Variants in PRMT3 observed in about 807,000 individuals in gnomAD.
PRMT3 encodes the protein protein arginine N-methyltransferase 3.
In PRMT3, 62 loss-of-function variants were observed where a neutral mutation model predicts 71.9. That is an observed-to-expected ratio of 0.86 (90% CI 0.70 to 1.07). The LOEUF (loss-of-function observed/expected upper bound fraction) is 1.07. Among genes scored for constraint, PRMT3 ranks in the 50% least tolerant of loss-of-function variants. The pLI is 0.00. For missense variants in PRMT3, 663 were observed against 643.0 expected (o/e 1.03, Z -0.34); for synonymous variants, 213 against 220.4 (o/e 0.97, Z 0.30).
intron 10 of PRMT3, among the ~76,000 whole-genome samples, chr11:20,438,606 A>G (rs1032597950): frequency 5.9e-5 from 9 of 152,038 alleles, no homozygotes; most frequent in Non-Finnish European, 1.3e-4. Context: ...GCATCAGCTC[A>G]GCCCTGGGAT....
intron 15 of PRMT3, among the ~76,000 whole-genome samples, chr11:20,495,666 G>C (rs961635076): frequency 6.6e-6 from 1 of 151,976 alleles, no homozygotes; most frequent in Non-Finnish European, 1.5e-5. Context: ...ACTTACATTA[G>C]CACCTATAGT....
intron 8 of PRMT3, 112 bp from the exon 9 acceptor site, chr11:20,407,799 T>G: frequency 8.5e-7 from 1 of 1,171,682 alleles, no homozygotes; most frequent in South Asian, 1.7e-5. Context: ...AGTTTCAGAT[T>G]TTTATTGTGA....
In PRMT3 at chr11:20,494,953, G is replaced by A. The variant is rs540612728; in HGVS notation, c.1486+699G>A. Among the ~76,000 whole-genome samples, 7 of 152,142 alleles carry A rather than the reference G, an allele frequency of 4.6e-5. No homozygotes were observed. The South Asian group carries it at 1.0e-3, about 23-fold the overall frequency. ...TTCATTCAGTAGTTATTGTAGGCCA[G>A]GCACAGTGGCTTATGCCTGTAATAA... On this transcript the variant is annotated intron_variant, in intron 15 of 15. Transcript: ENST00000331079.
intron 15 of PRMT3, among the ~76,000 whole-genome samples, chr11:20,494,502 GT>G (rs1343805084): frequency 1.3e-5 from 2 of 151,946 alleles, no homozygotes; most frequent in East Asian, 3.9e-4. Flanking sequence ...CCCAGCTAAT[GT>G]TTGTATTTTT....
chr11:20,505,940 A>G (rs1247728403), intron 15 of PRMT3, among the ~76,000 whole-genome samples: 2 of 151,962 alleles, frequency 1.3e-5, no homozygotes, highest in Admixed American at 6.6e-5. Context: ...ATTTAAAGCT[A>G]TAATCATCAT....
intron 12 of PRMT3, among the ~76,000 whole-genome samples, chr11:20,463,318 A>G (rs1488666589): frequency 6.6e-6 from 1 of 152,226 alleles, no homozygotes; most frequent in East Asian, 1.9e-4. Context: ...TAAGAAAAAC[A>G]GTCTGCTTGA....
At chr11:20,484,928 A>G (rs1851035624) in intron 13 of PRMT3, among the ~76,000 whole-genome samples, 1 of 152,228 alleles carries the variant, frequency 6.6e-6, no homozygotes, top group Non-Finnish European at 1.5e-5. Context: ...CTGAAAAATG[A>G]GACTAACAAT....
At chr11:20,388,969 C>T (rs775801724) in intron 2 of PRMT3, among the ~76,000 whole-genome samples, 13 of 152,224 alleles carry the variant, frequency 8.5e-5, no homozygotes, top group Non-Finnish European at 1.6e-4. Context: ...GTGTTCTCAT[C>T]TGTAGCCCCA....
rs1851669656 is a variant in PRMT3 at position 20,509,241 on chromosome 11, ATG to A, written c.*830_*831del. 6.7e-6 allele frequency: 1 copy of A among 149,146 alleles called. No individual in the cohort carries two copies. The highest frequency in any genetic ancestry group is 2.2e-4 in the South Asian group (1 of 4,574). The allele number at this position is 149,146 out of a possible 1,614,324, so 9.2% of individuals were successfully genotyped here. ...TTTACAATTACTGATTCAATTTGAA[ATG>A]TAGAATAAAATTTTAATAAAATGTA... On this transcript the variant is annotated 3_prime_UTR_variant, in exon 16 of 16. Transcript: ENST00000331079.
chr11:20,387,982 G>A lies in PRMT3; in HGVS notation c.29-37G>A, dbSNP rs764309179. ...CCTCGAGCCCCCGGGCCGCACCGGT[G>A]TCCGAGGCCGATCTGATTGTTGTGT... is the stretch of plus-strand genomic sequence containing the variant. On this transcript the variant is annotated intron_variant, in intron 1 of 15. Coordinates refer to ENST00000331079, the MANE Select transcript of PRMT3 (RefSeq NM_005788.4). This position sits in a 1 kb window ranked among gnomAD's most constrained non-coding sequence, Gnocchi z 4.3. The A allele has an allele frequency of 1.2e-6, 2 of 1,612,638 alleles. No individual in the cohort carries two copies. Among genetic ancestry groups the A allele is most frequent in the Non-Finnish European group, 1.7e-6 (2 of 1,179,350 alleles).
chr11:20,426,788 A>T lies in PRMT3; in HGVS notation c.916A>T (p.Ile306Phe). ...IIRLNKLEDT[I>F]TLIKGKIEEV... is the part of the protein sequence containing the mutation. Reference sequence around the variant, plus strand: ...CAGACTAAATAAACTTGAAGATACTATTACACTAATTAAAGGAAAGATTGA... The same window carrying T: ...CAGACTAAATAAACTTGAAGATACTTTTACACTAATTAAAGGAAAGATTGA... The change falls in exon 10 of 16, where the codon ATT becomes TTT. Residue 306 changes from isoleucine to phenylalanine, a missense_variant. Transcript: ENST00000331079. 6.6e-7 allele frequency: 1 copy of T among 1,513,682 alleles called. No individual in the cohort carries two copies. Among genetic ancestry groups the T allele is most frequent in the Non-Finnish European group, 8.8e-7 (1 of 1,142,322 alleles). The allele number at this position is 1,513,682 out of a possible 1,614,324, so 93.8% of individuals were successfully genotyped here.
At chr11:20,483,237 AT>A (rs1381223606) in intron 13 of PRMT3, among the ~76,000 whole-genome samples, 3 of 152,038 alleles carry the variant, frequency 2.0e-5, no homozygotes, top group African/African-American at 7.2e-5. Context: ...CATAAAACTA[AT>A]TTTTTTATGC....
At chr11:20,415,947 C>T (rs773571747) in intron 9 of PRMT3, among the ~76,000 whole-genome samples, 42 of 152,104 alleles carry the variant, frequency 2.8e-4, no homozygotes, top group Middle Eastern at 6.3e-3. Flanking sequence ...TCATTTCTTC[C>T]GAGTTGTAAA....
In PRMT3 at chr11:20,407,896, T is replaced by G. The variant is rs1195885264; in HGVS notation, c.772-15T>G. On this transcript the variant is annotated splice_polypyrimidine_tract_variant and intron_variant, in intron 8 of 15. Coordinates refer to ENST00000331079, the MANE Select transcript of PRMT3 (RefSeq NM_005788.4). ...TAACATCTGTTTTGTTTTGGTTTTT[T>G]CTTAATTACCCTAGGTAGTTTTGGA... The G allele has an allele frequency of 8.8e-6, 14 of 1,597,076 alleles. No individual in the cohort carries two copies. Among genetic ancestry groups the G allele is most frequent in the Non-Finnish European group, 1.2e-5 (14 of 1,170,804 alleles).
chr11:20,476,477 G>A lies in PRMT3; in HGVS notation c.1347+11931G>A, dbSNP rs12225373. On this transcript the variant is annotated intron_variant, in intron 13 of 15. Transcript: ENST00000331079. Reference sequence around the variant, plus strand: ...GTAAAGTTTTAGAGATACACCAAGCGTGGTGTGGTACTGGGTTTCTGGAGG... The same window carrying A: ...GTAAAGTTTTAGAGATACACCAAGCATGGTGTGGTACTGGGTTTCTGGAGG... Among the ~76,000 whole-genome samples, 300 of 152,284 alleles carry A rather than the reference G, an allele frequency of 2.0e-3. 4 individuals are homozygous for A. In the East Asian group the frequency reaches 0.045, roughly 23 times the overall value.
At chr11:20,494,323 G>C in intron 15 of PRMT3, 69 bp downstream of exon 15, 1 of 1,320,042 alleles carries the variant, frequency 7.6e-7, no homozygotes, top group South Asian at 1.2e-5. Flanking sequence ...TCATTTTACA[G>C]CCACTTTTTA....
At chr11:20,389,034 C>T (rs764652214) in intron 2 of PRMT3, among the ~76,000 whole-genome samples, 1 of 152,132 alleles carries the variant, frequency 6.6e-6, no homozygotes, top group Non-Finnish European at 1.5e-5. Flanking sequence ...ATTTATTGAG[C>T]ACCAGTGGTA....
intron 13 of PRMT3, among the ~76,000 whole-genome samples, chr11:20,469,978 A>G (rs1047603689): frequency 2.0e-5 from 3 of 152,200 alleles, no homozygotes; most frequent in Admixed American, 1.3e-4. Flanking sequence ...TAATACAGTC[A>G]TGTATCACTT....
At position 20,388,002 on chromosome 11, in the gene PRMT3, T is replaced by TTGTG; in HGVS notation, c.29-7_29-4dup. ...CCGGTGTCCGAGGCCGATCTGATTG[T>TTGTG]TGTGTGTGTGTGTTAGGCGGCCGGG... On this transcript the variant is annotated splice_polypyrimidine_tract_variant and intron_variant, in intron 1 of 15. Transcript: ENST00000331079. 1.2e-6 allele frequency: 2 copies of TTGTG among 1,612,134 alleles called. No individual in the cohort carries two copies. Among genetic ancestry groups the TTGTG allele is most frequent in the Non-Finnish European group, 1.7e-6 (2 of 1,178,970 alleles).
Sources: gnomAD v4.1 joint callset for allele counts (sites outside exome capture counted in the v4.1 genomes callset) on GRCh38, gnomAD v4.1.1 for gene constraint, Gnocchi (gnomAD v3.1) non-coding constraint, MANE v1.5 for transcripts, NCBI Gene and HGNC (gene_info 2026-07-23, HGNC 2026-07-21) for gene names.